PACRG: variants seen among roughly 807,000 people sequenced by gnomAD.
The protein encoded by PACRG is parkin coregulated gene protein.
A neutral mutation model predicts 29.7 loss-of-function variants in PACRG; 29 were observed. The ratio of observed to expected loss-of-function variants is 0.98; its 90% CI spans 0.73 to 1.33. The LOEUF is 1.33. Among genes scored for constraint, PACRG ranks in the 40% most tolerant of loss-of-function variants. PACRG has a pLI of 0.00. For missense variants in PACRG, 279 were observed against 316.2 expected, an observed-to-expected ratio of 0.88 and a Z score of 0.89; for synonymous variants, 116 against 118.7, an observed-to-expected ratio of 0.98 and a Z score of 0.15.
chr6:163,029,410 A>G (rs1282463733), intron 2 of PACRG, among the ~76,000 whole-genome samples: 1 of 152,190 alleles, frequency 6.6e-6, no homozygotes, highest in Non-Finnish European at 1.5e-5. Context: ...TGAGCACCTC[A>G]TGGCCTGGCT....
intron 1 of PACRG, among the ~76,000 whole-genome samples, chr6:162,736,969 A>C (rs977269470): frequency 1.3e-5 from 2 of 152,186 alleles, no homozygotes; most frequent in Non-Finnish European, 2.9e-5. Flanking sequence ...ATTTACTATT[A>C]GTGTATACAT....
chr6:162,864,382 T>C (rs1438012210), intron 2 of PACRG, among the ~76,000 whole-genome samples: 4 of 152,122 alleles, frequency 2.6e-5, no homozygotes, highest in Non-Finnish European at 4.4e-5. Context: ...ATTCATTCCA[T>C]ACCTGCTTGA....
intron 2 of PACRG, among the ~76,000 whole-genome samples, chr6:162,823,001 C>T (rs962358902): frequency 1.3e-5 from 2 of 152,010 alleles, no homozygotes; most frequent in Non-Finnish European, 2.9e-5. Context: ...TTTCTGCCTG[C>T]ACATTTGTTA....
At chr6:162,878,600 C>T (rs1217528096) in intron 2 of PACRG, among the ~76,000 whole-genome samples, 1 of 152,072 alleles carries the variant, frequency 6.6e-6, no homozygotes, top group Non-Finnish European at 1.5e-5. Context: ...GCTCATTCCC[C>T]CAACAAAAGG....
intron 3 of PACRG, among the ~76,000 whole-genome samples, chr6:163,082,723 T>G (rs888880296): frequency 4.6e-5 from 7 of 152,232 alleles, no homozygotes; most frequent in Non-Finnish European, 1.0e-4. Context: ...GTCACTTGTG[T>G]CTTAAACATT....
At chr6:163,264,414 A>G (rs1000767352) in intron 4 of PACRG, among the ~76,000 whole-genome samples, 5 of 152,224 alleles carry the variant, frequency 3.3e-5, no homozygotes, top group African/African-American at 1.2e-4. Context: ...GCTCTGGGCT[A>G]GTCACACTGT....
chr6:162,967,427 A>C (rs1274500322), intron 2 of PACRG, among the ~76,000 whole-genome samples: 2 of 152,164 alleles, frequency 1.3e-5, no homozygotes. Flanking sequence ...AATCTATGTC[A>C]CATCTACTGT....
At chr6:162,929,155 A>C (rs1797665774) in intron 2 of PACRG, among the ~76,000 whole-genome samples, 1 of 152,002 alleles carries the variant, frequency 6.6e-6, no homozygotes, top group Admixed American at 6.6e-5. Context: ...GCTGGATCAT[A>C]CGGGAGTTCT....
At chr6:163,132,129 A>G (rs536278611) in intron 4 of PACRG, among the ~76,000 whole-genome samples, 25 of 152,228 alleles carry the variant, frequency 1.6e-4, no homozygotes, top group Non-Finnish European at 3.4e-4. Context: ...ATGAAGTTAA[A>G]TATCTGTGGA....
intron 4 of PACRG, among the ~76,000 whole-genome samples, chr6:163,307,847 T>A (rs1035582963): frequency 6.6e-6 from 1 of 152,162 alleles, no homozygotes; most frequent in Admixed American, 6.5e-5. Context: ...AGAAAAAAAA[T>A]GAATTTGGTC....
At chr6:162,732,710 A>G (rs1452560148) in intron 1 of PACRG, among the ~76,000 whole-genome samples, 2 of 152,206 alleles carry the variant, frequency 1.3e-5, no homozygotes, top group Non-Finnish European at 2.9e-5. Flanking sequence ...CCTTTTGTCT[A>G]GGCTTGTACA....
chr6:163,265,082 A>G (rs566382715), intron 4 of PACRG, among the ~76,000 whole-genome samples: 16 of 152,370 alleles, frequency 1.1e-4, no homozygotes, highest in Non-Finnish European at 1.9e-4. Flanking sequence ...AGCTTGTAGT[A>G]AAGAGCCGGC....
intron 1 of PACRG, among the ~76,000 whole-genome samples, chr6:162,806,142 C>T (rs574149379): frequency 6.7e-6 from 1 of 149,698 alleles, no homozygotes; most frequent in South Asian, 2.1e-4. Flanking sequence ...GAGTTTCACT[C>T]TTGTTGCCCA....
intron 2 of PACRG, among the ~76,000 whole-genome samples, chr6:163,009,828 TTAAA>T (rs1805450724): frequency 6.6e-6 from 1 of 152,236 alleles, no homozygotes; most frequent in African/African-American, 2.4e-5. Flanking sequence ...GATAAACACT[TTAAA>T]TATAAGCTTT....
intron 2 of PACRG, among the ~76,000 whole-genome samples, chr6:162,891,149 G>A (rs1035004512): frequency 1.3e-5 from 2 of 152,138 alleles, no homozygotes; most frequent in South Asian, 4.1e-4. Flanking sequence ...AATGGACACG[G>A]TATATCCAGG....
intron 2 of PACRG, among the ~76,000 whole-genome samples, chr6:162,940,402 C>A (rs927509995): frequency 2.0e-5 from 3 of 152,054 alleles, no homozygotes; most frequent in Non-Finnish European, 4.4e-5. Flanking sequence ...CTCTCTCTCT[C>A]TCTCCTGCCC....
intron 4 of PACRG, among the ~76,000 whole-genome samples, chr6:163,115,792 T>C (rs1815959914): frequency 6.6e-6 from 1 of 152,184 alleles, no homozygotes; most frequent in Non-Finnish European, 1.5e-5. Flanking sequence ...GGAGAGACCA[T>C]GAGATCAAAC....
chr6:162,970,942 A>G (rs982800012), intron 2 of PACRG, among the ~76,000 whole-genome samples: 1 of 152,204 alleles, frequency 6.6e-6, no homozygotes, highest in Admixed American at 6.5e-5. Context: ...TTGTGTAAAT[A>G]CATTCCATTT....
intron 4 of PACRG, among the ~76,000 whole-genome samples, chr6:163,277,074 CTT>C (rs770298890): frequency 1.3e-5 from 2 of 152,114 alleles, no homozygotes; most frequent in Non-Finnish European, 2.9e-5. Context: ...CTACCTCTCA[CTT>C]TATCTTTCAT....
Sources: gnomAD v4.1 joint callset for allele counts (sites outside exome capture counted in the v4.1 genomes callset) on GRCh38, gnomAD v4.1.1 for gene constraint, MANE v1.5 for transcripts, NCBI Gene and HGNC (gene_info 2026-07-23, HGNC 2026-07-21) for gene names.